Variants in KIF21A observed in about 807,000 individuals in gnomAD.
KIF21A encodes the protein kinesin family member 21A, also known as kinesin-like protein KIF21A.
In KIF21A, 114 loss-of-function variants were observed where a neutral mutation model predicts 202.9. That is an observed-to-expected ratio of 0.56 (90% CI 0.48 to 0.66). The LOEUF is 0.66. Ranked by LOEUF, KIF21A falls within the 30% of genes least tolerant of loss-of-function variation. The pLI is 0.00. For missense variants in KIF21A, 1,677 were observed against 1,994.9 expected (o/e 0.84, Z 3.04); for synonymous variants, 667 against 670.8 (o/e 0.99, Z 0.09).
intron 1 of KIF21A, among the ~76,000 whole-genome samples, chr12:39,402,447 C>T (rs2139876754): frequency 6.6e-6 from 1 of 152,226 alleles, no homozygotes; most frequent in South Asian, 2.1e-4. Flanking sequence ...CCTATAATTC[C>T]AACTACTCAG....
At chr12:39,387,207 C>T (rs1487315221) in intron 1 of KIF21A, among the ~76,000 whole-genome samples, 2 of 148,650 alleles carry the variant, frequency 1.3e-5, no homozygotes, top group African/African-American at 4.9e-5. Context: ...CACACACAAG[C>T]TTGGACTGTA....
chr12:39,298,674 A>T (rs563248053), intron 37 of KIF21A, among the ~76,000 whole-genome samples: 1 of 152,336 alleles, frequency 6.6e-6, no homozygotes, highest in Admixed American at 6.5e-5. Context: ...ATACTCTTTA[A>T]ATGAATAAAA....
intron 24 of KIF21A, 32 bp from the exon 25 acceptor site, chr12:39,326,356 TC>T: frequency 6.7e-7 from 1 of 1,487,852 alleles, no homozygotes. Context: ...GTAAGCATTA[TC>T]CCCATGTCAC....
chr12:39,335,984 T>C (rs1946930277), intron 17 of KIF21A, among the ~76,000 whole-genome samples: 3 of 152,220 alleles, frequency 2.0e-5, no homozygotes, highest in African/African-American at 7.2e-5. Flanking sequence ...TTCTAAAATA[T>C]GCTTTATGCT....
Position 39,372,610 on chromosome 12 carries a change from T to C in KIF21A, c.45-2349A>G, listed in dbSNP as rs576086051. ...ATGGAAATCATATTGTGTACTGTAA[T>C]ACATATTAAATGATATTATAACAAA... On this transcript the variant is annotated intron_variant, in intron 1 of 37. Transcript: ENST00000361418. 3.9e-5 allele frequency among the ~76,000 whole-genome samples: 6 copies of C among 152,316 alleles called. No homozygotes were observed. In the South Asian group the frequency reaches 1.2e-3, roughly 32 times the overall value.
In KIF21A at chr12:39,443,099, G is replaced by T. The variant is rs1451543746; in HGVS notation, c.-129C>A. The stretch of plus-strand genomic sequence containing the variant: ...CGGGCGGCCGGCTCACCTCCGCCGC[G>T]CTCCAGCCATGTTGGGCGACTGAAT... On this transcript the variant is annotated 5_prime_UTR_variant, in exon 1 of 38. Transcript: ENST00000361418. 1 of 906,100 alleles carries T rather than the reference G, an allele frequency of 1.1e-6. No individual in the cohort carries two copies. Among genetic ancestry groups the T allele is most frequent in the Non-Finnish European group, 1.5e-6 (1 of 651,156 alleles). 56.1% of individuals were successfully genotyped at this position (906,100 alleles called of 1,614,324 possible). A position where few individuals can be genotyped will look rare whatever the true frequency, so the allele number is the denominator to read the frequency against.
rs569927464 is a variant in KIF21A at position 39,320,715 on chromosome 12, A to T, written c.3672-702T>A. Among the ~76,000 whole-genome samples the T allele has an allele frequency of 9.2e-5, 14 of 151,738 alleles. No homozygotes were observed. The South Asian group carries it at 2.9e-3, about 32-fold the overall frequency. ...TTTGGGAGGCTGAGGTGGGTGGATC[A>T]CTTGAGGTCATGAGTTCAAAACCAG... On this transcript the variant is annotated intron_variant, in intron 27 of 37. Transcript: ENST00000361418.
chr12:39,423,046 A>G (rs2140249139), intron 1 of KIF21A, among the ~76,000 whole-genome samples: 1 of 152,350 alleles, frequency 6.6e-6, no homozygotes, highest in South Asian at 2.1e-4. Context: ...GGATCACATG[A>G]GTTAATATGT....
Position 39,304,853 on chromosome 12 carries a change from T to A in KIF21A, c.4528A>T (p.Ile1510Phe). Residue 1510 changes from isoleucine (I) to phenylalanine (F), a missense_variant, in exon 35 of 38, where the codon ATC (isoleucine) becomes TTC (phenylalanine). This residue lies in a region of KIF21A where 705 missense variants were observed against 791.9 expected (regional missense o/e 0.89). Transcript: ENST00000361418. Reference sequence around the variant, plus strand: ...TAATGATCCTTGGAGCCAGTGATGATTAGATCTTGTCCACTGGAAATCTGA... The same window carrying A: ...TAATGATCCTTGGAGCCAGTGATGAATAGATCTTGTCCACTGGAAATCTGA... Reference protein sequence around the residue: ...VDQISSGQDLIITGSKDHYIK... With the variant: ...VDQISSGQDLFITGSKDHYIK... 1 of 1,598,680 alleles carries A rather than the reference T, an allele frequency of 6.3e-7. No individual in the cohort carries two copies. The highest frequency in any genetic ancestry group is 8.6e-7 in the Non-Finnish European group (1 of 1,166,468).
At position 39,343,974 on chromosome 12, in the gene KIF21A, T is replaced by C. The variant is rs548795901; in HGVS notation, c.1713-1850A>G. On this transcript the variant is annotated intron_variant, in intron 12 of 37. Transcript: ENST00000361418. The stretch of plus-strand genomic sequence containing the variant: ...AGTTTCAAAGATGCATAAAGATGCA[T>C]GAGAGACAGCATATATACGGAGAGA... Among the ~76,000 whole-genome samples, 36 of 152,290 alleles carry C rather than the reference T, an allele frequency of 2.4e-4. No individual in the cohort carries two copies. In the South Asian group the frequency reaches 3.1e-3, roughly 13 times the overall value.
intron 10 of KIF21A, among the ~76,000 whole-genome samples, chr12:39,355,707 TTA>T (rs10580436): frequency 0.35 from 35,229 of 101,046 alleles, 6,992 homozygotes; most frequent in East Asian, 0.6. Context: ...GCATGAACAA[TTA>T]TATATATATA....
Position 39,325,934 on chromosome 12 carries a change from A to G in KIF21A, c.3402-41T>C, listed in dbSNP as rs570828147. On this transcript the variant is annotated intron_variant, in intron 25 of 37. Coordinates refer to ENST00000361418, the MANE Select transcript of KIF21A (RefSeq NM_001173464.2). ...TAATTAAGCACAAGATTAAATAGAAAATTATTATAGAAAACTATAGCTCCT... is the reference window on the plus strand; with the variant it reads ...TAATTAAGCACAAGATTAAATAGAAGATTATTATAGAAAACTATAGCTCCT... 78 of 1,525,938 alleles carry G rather than the reference A, an allele frequency of 5.1e-5. 2 individuals are homozygous for G. In the South Asian group the frequency reaches 8.3e-4, roughly 16 times the overall value. The allele number at this position is 1,525,938 out of a possible 1,614,324, so 94.5% of individuals were successfully genotyped here. A position where few individuals can be genotyped will look rare whatever the true frequency, so the allele number is the denominator to read the frequency against.
In KIF21A at chr12:39,442,175, A is replaced by G. The variant is rs986552300; in HGVS notation, c.44+752T>C. On this transcript the variant is annotated intron_variant, in intron 1 of 37. Transcript: ENST00000361418. This position sits in a 1 kb window ranked among gnomAD's most constrained non-coding sequence, Gnocchi z 5.0. ...CTGGCCTGGGTAACGTTACGATTACATTGTATCCACCCTGCCTAATGTCAG... is the reference window on the plus strand; with the variant it reads ...CTGGCCTGGGTAACGTTACGATTACGTTGTATCCACCCTGCCTAATGTCAG... Among the ~76,000 whole-genome samples the G allele has an allele frequency of 3.9e-5, 6 of 152,136 alleles. No individual in the cohort carries two copies. Among genetic ancestry groups the G allele is most frequent in the African/African-American group, 9.7e-5 (4 of 41,416 alleles).
At chr12:39,420,772 C>T (rs907208843) in intron 1 of KIF21A, among the ~76,000 whole-genome samples, 2 of 151,776 alleles carry the variant, frequency 1.3e-5, no homozygotes, top group South Asian at 2.1e-4. Flanking sequence ...GAGATCTACC[C>T]GTGAGGCTGA....
At chr12:39,408,816 G>GT (rs111812164) in intron 1 of KIF21A, among the ~76,000 whole-genome samples, 18 of 147,784 alleles carry the variant, frequency 1.2e-4, no homozygotes, top group East Asian at 6.0e-4. Context: ...GCTTTTGTTG[G>GT]TTTTTTTTTG....
chr12:39,354,595 C>A (rs1477604403), intron 10 of KIF21A, among the ~76,000 whole-genome samples: 1 of 152,066 alleles, frequency 6.6e-6, no homozygotes, highest in African/African-American at 2.4e-5. Flanking sequence ...AACTACTATT[C>A]ATTTACAATA....
At chr12:39,381,320 A>AT (rs1462385042) in intron 1 of KIF21A, among the ~76,000 whole-genome samples, 1 of 151,854 alleles carries the variant, frequency 6.6e-6, no homozygotes, top group Non-Finnish European at 1.5e-5. Flanking sequence ...AAAAAAAAAA[A>AT]AAAAACTATT....
intron 1 of KIF21A, among the ~76,000 whole-genome samples, chr12:39,396,401 G>A (rs1456815547): frequency 6.6e-6 from 1 of 152,042 alleles, no homozygotes; most frequent in Non-Finnish European, 1.5e-5. Flanking sequence ...TTTATCTTCA[G>A]TACAAAGCAA....
At chr12:39,333,961 G>A (rs572005826) in intron 17 of KIF21A, among the ~76,000 whole-genome samples, 1 of 151,916 alleles carries the variant, frequency 6.6e-6, no homozygotes, top group African/African-American at 2.4e-5. Context: ...CAGCACTTTG[G>A]GAGGTCAAGG....
Sources: gnomAD v4.1 joint callset for allele counts (sites outside exome capture counted in the v4.1 genomes callset) on GRCh38, gnomAD v4.1.1 for gene constraint, gnomAD v4.1.1 regional missense constraint, Gnocchi (gnomAD v3.1) non-coding constraint, MANE v1.5 for transcripts, NCBI Gene and HGNC (gene_info 2026-07-23, HGNC 2026-07-21) for gene names.